The following AADAC variants were observed in gnomAD, a reference collection of about 807,000 sequenced individuals.
AADAC encodes the protein arylacetamide deacetylase, also known as arylacetamide deacetylase (esterase).
AADAC carries 17 observed loss-of-function variants against 22.7 expected under a neutral mutation model. That is an observed-to-expected ratio of 0.75 (90% CI 0.51 to 1.12). AADAC has a LOEUF of 1.12. Among genes scored for constraint, AADAC ranks in the 50% most tolerant of loss-of-function variants. The pLI is 0.00. For synonymous variants in AADAC, 167 were observed against 176.3 expected (o/e 0.95, Z 0.42); for missense variants, 465 against 473.9 (o/e 0.98, Z 0.17).
intron 3 of AADAC, 64 bp downstream of exon 3, chr3:151,820,516 C>CTCT: frequency 2.4e-6 from 1 of 411,176 alleles, no homozygotes; most frequent in Non-Finnish European, 3.5e-6. Context: ...TCTCAGCTTT[C>CTCT]TTTTTTTTTT....
chr3:151,820,684 A>ATTTTTTTTTTTTTTTTTTTTTTTT (rs201359958), intron 3 of AADAC, among the ~76,000 whole-genome samples: 2 of 88,444 alleles, frequency 2.3e-5, no homozygotes, highest in African/African-American at 8.0e-5. Context: ...CACCCGGCTA[A>ATTTTTTTTTTTTTTTTTTTTTTTT]TTTTTTTATT....
intron 3 of AADAC, among the ~76,000 whole-genome samples, chr3:151,821,294 C>T (rs185521468): frequency 4.0e-5 from 6 of 151,854 alleles, no homozygotes; most frequent in Admixed American, 1.3e-4. Flanking sequence ...TTATACACTG[C>T]GCTAAGTATA....
intron 1 of AADAC, among the ~76,000 whole-genome samples, chr3:151,816,121 A>G (rs1392561412): frequency 6.6e-6 from 1 of 152,010 alleles, no homozygotes; most frequent in Non-Finnish European, 1.5e-5. Context: ...GAGTGCTCAG[A>G]ACACTGACTC....
chr3:151,820,485 A>G, intron 3 of AADAC, 33 bp downstream of exon 3: 6 of 1,049,300 alleles, frequency 5.7e-6, no homozygotes, highest in African/African-American at 1.8e-5. Flanking sequence ...TCCTGGCCAG[A>G]TGTCTGACAT....
intron 3 of AADAC, among the ~76,000 whole-genome samples, chr3:151,822,268 C>T (rs939732721): frequency 6.6e-6 from 1 of 151,976 alleles, no homozygotes; most frequent in African/African-American, 2.4e-5. Flanking sequence ...AAAGTTCAAA[C>T]AGAGTTACCA....
chr3:151,819,282 C>G (rs886514130), intron 2 of AADAC, among the ~76,000 whole-genome samples: 1 of 151,698 alleles, frequency 6.6e-6, no homozygotes, highest in Non-Finnish European at 1.5e-5. Context: ...AAGGTGAGAA[C>G]CTCAAGAAAG....
chr3:151,820,182 G>A (rs1716177584), intron 2 of AADAC, among the ~76,000 whole-genome samples: 1 of 151,940 alleles, frequency 6.6e-6, no homozygotes, highest in African/African-American at 2.4e-5. Context: ...AGCATTAGGA[G>A]GTTCACTGGG....
chr3:151,818,507 G>A (rs1159819550), intron 2 of AADAC, among the ~76,000 whole-genome samples: 1 of 151,970 alleles, frequency 6.6e-6, no homozygotes, highest in South Asian at 2.1e-4. Context: ...CCTCCTGGTC[G>A]AAGAAGAGTT....
chr3:151,817,498 G>A lies in AADAC; in HGVS notation c.271G>A (p.Val91Ile). Reference protein sequence around the residue: ...VTETKFNNILVRVYVPKRKSE... With the variant: ...VTETKFNNILIRVYVPKRKSE... The stretch of plus-strand genomic sequence containing the variant: ...TGAGACAAAATTCAACAACATTCTT[G>A]TTCGGGTATATGTGCCAAAGAGAAA... Residue 91 changes from valine to isoleucine, a missense_variant, in exon 2 of 5, where the codon GTT (valine) becomes ATT (isoleucine). Coordinates refer to ENST00000232892, the MANE Select transcript of AADAC (RefSeq NM_001086.3). 6.2e-7 allele frequency: 1 copy of A among 1,613,786 alleles called. No individual in the cohort carries two copies. The highest frequency in any genetic ancestry group is 8.5e-7 in the Non-Finnish European group (1 of 1,179,742).
At position 151,820,460 on chromosome 3, in the gene AADAC, C is replaced by A; in HGVS notation, c.431+8C>A. On this transcript the variant is annotated splice_region_variant and intron_variant, in intron 3 of 4. Coordinates refer to ENST00000232892, the MANE Select transcript of AADAC (RefSeq NM_001086.3). ...TGTCGTCGTATCAACCAAGTAAGAG[C>A]TGTGCTGTTTGGTTTCCTGGCCAGA... is the stretch of plus-strand genomic sequence containing the variant. 6.4e-7 allele frequency: 1 copy of A among 1,551,286 alleles called. No homozygotes were observed.
intron 2 of AADAC, among the ~76,000 whole-genome samples, chr3:151,819,973 A>T (rs767009781): frequency 6.6e-6 from 1 of 152,034 alleles, no homozygotes; most frequent in Non-Finnish European, 1.5e-5. Context: ...AATTCTGTCT[A>T]TATCTCCTTG....
chr3:151,817,311 A>T (rs1716029568), intron 1 of AADAC, 55 bp from the exon 2 acceptor site: 73 of 1,481,300 alleles, frequency 4.9e-5, no homozygotes, highest in Non-Finnish European at 6.7e-5. Flanking sequence ...AAGTCCATAG[A>T]TCTCTTTGCC....
intron 1 of AADAC, among the ~76,000 whole-genome samples, chr3:151,815,570 G>A (rs1036285317): frequency 6.6e-6 from 1 of 151,820 alleles, no homozygotes; most frequent in Non-Finnish European, 1.5e-5. Flanking sequence ...GCTACAATAT[G>A]TGAGAGGTCT....
In AADAC at chr3:151,817,589, G is replaced by A. The variant is rs762169706; in HGVS notation, c.361+1G>A. 42 of 1,611,772 alleles carry A rather than the reference G, an allele frequency of 2.6e-5. 1 individual carries two copies. The East Asian group carries it at 8.5e-4, about 32-fold the overall frequency. ...GGAGGCTGGTGCGTGGGAAGTGCTGGTAAGTGAATGCTTTGAAAAATCTCT... is the reference window on the plus strand; with the variant it reads ...GGAGGCTGGTGCGTGGGAAGTGCTGATAAGTGAATGCTTTGAAAAATCTCT... On this transcript the variant is annotated splice_donor_variant, in intron 2 of 4. Coordinates refer to ENST00000232892, the MANE Select transcript of AADAC (RefSeq NM_001086.3). LOFTEE classifies it high-confidence loss of function.
chr3:151,821,262 T>A lies in AADAC; in HGVS notation c.431+810T>A, dbSNP rs1336066571. Among the ~76,000 whole-genome samples, 3 of 152,000 alleles carry A rather than the reference T, an allele frequency of 2.0e-5. No individual in the cohort carries two copies. In the East Asian group the frequency reaches 5.8e-4, roughly 29 times the overall value. On this transcript the variant is annotated intron_variant, in intron 3 of 4. Transcript: ENST00000232892. ...AATTTTAAATATTTAAAATATAGCG[T>A]ATAGTTTAGGCTCAACAAGTGTTAT...
chr3:151,817,831 T>C (rs1317338745), intron 2 of AADAC, among the ~76,000 whole-genome samples: 1 of 152,040 alleles, frequency 6.6e-6, no homozygotes, highest in Non-Finnish European at 1.5e-5. Flanking sequence ...TCACAATTAC[T>C]CTAAGAAAGC....
rs1716033021 is a variant in AADAC at position 151,817,366 on chromosome 3, G to T, written c.139G>T (p.Ala47Ser). 1 of 1,609,998 alleles carries T rather than the reference G, an allele frequency of 6.2e-7. No individual in the cohort carries two copies. Among genetic ancestry groups the T allele is most frequent in the Non-Finnish European group, 8.5e-7 (1 of 1,176,810 alleles). The change falls in exon 2 of 5, where the codon GCT (alanine) becomes TCT (serine). Residue 47 changes from alanine (A) to serine (S), a missense_variant and splice_region_variant. Ala to Ser is a moderately conservative substitution (Grantham distance 99). Transcript: ENST00000232892. ...GGAGGTTTGTGAATTTCATTTTTAGGCTACATTTGTGGAGCTCCTGGGACT... is the reference window on the plus strand; with the variant it reads ...GGAGGTTTGTGAATTTCATTTTTAGTCTACATTTGTGGAGCTCCTGGGACT... ...NAHLKTIQNL[A>S]TFVELLGLHH...
At chr3:151,824,632 AAAAT>A in intron 3 of AADAC, 27 bp from the exon 4 acceptor site, 2 of 1,417,986 alleles carry the variant, frequency 1.4e-6, no homozygotes, top group Non-Finnish European at 9.3e-7. Flanking sequence ...AACAAACAAA[AAAAT>A]GTGTAAACTA....
chr3:151,822,885 T>C (rs1199071057), intron 3 of AADAC, among the ~76,000 whole-genome samples: 1 of 151,982 alleles, frequency 6.6e-6, no homozygotes, highest in African/African-American at 2.4e-5. Flanking sequence ...GTTAATTTTA[T>C]GGGTTATGAA....
Sources: allele counts gnomAD v4.1 joint callset (sites outside exome capture counted in the v4.1 genomes callset), GRCh38; gene constraint gnomAD v4.1.1; transcripts MANE v1.5; gene names NCBI Gene and HGNC (gene_info 2026-07-23, HGNC 2026-07-21).